The following TTC7B variants were observed in gnomAD, a reference collection of about 807,000 sequenced individuals.
TTC7B encodes tetratricopeptide repeat domain 7B.
In TTC7B, 28 loss-of-function variants were observed where a neutral mutation model predicts 106.8. The observed-to-expected ratio is 0.26, with a 90% CI of 0.19 to 0.36. TTC7B has a LOEUF of 0.36. Among genes scored for constraint, TTC7B ranks in the 10% least tolerant of loss-of-function variants. The probability of loss-of-function intolerance (pLI) is 1.00; values close to 1 mark genes in which losing one functional copy is unlikely to be tolerated. For synonymous variants in TTC7B, 405 were observed against 430.6 expected (o/e 0.94, Z 0.74); for missense variants, 862 against 1,076.4 (o/e 0.80, Z 2.79).
intron 12 of TTC7B, among the ~76,000 whole-genome samples, chr14:90,653,121 G>A (rs2139894484): frequency 6.6e-6 from 1 of 152,340 alleles, no homozygotes; most frequent in East Asian, 1.9e-4. Flanking sequence ...ACAATGCCAA[G>A]GGGACAGTGT....
At chr14:90,688,483 C>G (rs541076766) in intron 7 of TTC7B, among the ~76,000 whole-genome samples, 1 of 152,040 alleles carries the variant, frequency 6.6e-6, no homozygotes, top group East Asian at 1.9e-4. Context: ...ATTAGCCAGG[C>G]ATGGTGGCAC....
chr14:90,804,309 G>A (rs552416362), intron 1 of TTC7B, among the ~76,000 whole-genome samples: 3 of 151,774 alleles, frequency 2.0e-5, no homozygotes, highest in African/African-American at 7.2e-5. Flanking sequence ...TCCAGCCTGG[G>A]TGACACAGCG....
chr14:90,789,071 G>A (rs1397756598), intron 1 of TTC7B, among the ~76,000 whole-genome samples: 1 of 152,092 alleles, frequency 6.6e-6, no homozygotes, highest in Admixed American at 6.5e-5. Context: ...AGAAATATAT[G>A]CAAGCCACAT....
rs1772489356 is a variant in TTC7B at position 90,534,899 on chromosome 14, CAG to C, written c.*6467_*6468del. The C allele has an allele frequency of 6.6e-6, 1 of 152,564 alleles. No homozygotes were observed. Among genetic ancestry groups the C allele is most frequent in the East Asian group, 1.9e-4 (1 of 5,188 alleles). 9.5% of individuals were successfully genotyped at this position (152,564 alleles called of 1,614,324 possible). A position where few individuals can be genotyped will look rare whatever the true frequency, so the allele number is the denominator to read the frequency against. ...CTGCAAAGGGGGGACTTCCTGCAGG[CAG>C]AGAGTCTGGGCCCGCAATGATGACT... On this transcript the variant is annotated 3_prime_UTR_variant, in exon 20 of 20. Transcript: ENST00000328459.
At chr14:90,758,243 T>A (rs540635465) in intron 3 of TTC7B, among the ~76,000 whole-genome samples, 1 of 148,244 alleles carries the variant, frequency 6.7e-6, no homozygotes, top group East Asian at 2.0e-4. Context: ...GGGGCACCAC[T>A]GTCCCGGTGG....
At chr14:90,754,975 A>G (rs1371739459) in intron 3 of TTC7B, among the ~76,000 whole-genome samples, 1 of 152,192 alleles carries the variant, frequency 6.6e-6, no homozygotes, top group African/African-American at 2.4e-5. Flanking sequence ...TAAACTGATC[A>G]CTTCAGTAGC....
intron 11 of TTC7B, among the ~76,000 whole-genome samples, chr14:90,655,762 T>C (rs954288961): frequency 6.6e-5 from 10 of 152,166 alleles, no homozygotes; most frequent in African/African-American, 2.2e-4. Context: ...AGTTGGGTGA[T>C]AAGACACTGG....
rs143808424 is a variant in TTC7B, at chr14:90,689,568, G to A, written c.922C>T (p.Arg308Trp). 815 of 1,613,944 alleles carry A rather than the reference G, an allele frequency of 5.0e-4. No homozygotes were observed. Among genetic ancestry groups the A allele is most frequent in the Non-Finnish European group, 6.6e-4 (773 of 1,179,990 alleles). ...TCTCCTGAGTAGACACGGGCTCTCC[G>A]AGTGAGAGTGTAGGTTTTTGTGTTT... ...GANTKTYTLT[R>W]RARVYSGENI... Residue 308 changes from arginine (R) to tryptophan (W), a missense_variant, in exon 7 of 20, where the codon CGG (arginine) becomes TGG (tryptophan). Arg to Trp is a moderately radical substitution (Grantham distance 101). Coordinates refer to ENST00000328459, the MANE Select transcript of TTC7B (RefSeq NM_001010854.2).
Position 90,657,245 on chromosome 14 carries a change from T to A in TTC7B, c.1270A>T (p.Ile424Phe), listed in dbSNP as rs1162983746. The A allele has an allele frequency of 6.2e-7, 1 of 1,614,050 alleles. No homozygotes were observed. Among genetic ancestry groups the A allele is most frequent in the African/African-American group, 1.3e-5 (1 of 75,060 alleles). ...GTGGCATCGTCTGGCTTCAGGCGGA[T>A]ACACTCTTTCAGCACCTTCACGGCA... ...ARAVKVLKEC[I>F]RLKPDDATIP... The change falls in exon 11 of 20, where the codon ATC (isoleucine) becomes TTC (phenylalanine). Residue 424 changes from isoleucine (I) to phenylalanine (F), a missense_variant. Coordinates refer to ENST00000328459, the MANE Select transcript of TTC7B (RefSeq NM_001010854.2). This position sits in a 1 kb window ranked among gnomAD's most constrained non-coding sequence, Gnocchi z 4.2.
rs951462102 is a variant in TTC7B at position 90,530,984 on chromosome 14, G to A, written c.*10384C>T. 2.0e-5 allele frequency: 3 copies of A among 152,096 alleles called. No individual in the cohort carries two copies. The highest frequency in any genetic ancestry group is 6.6e-5 in the Admixed American group (1 of 15,260). The allele number at this position is 152,096 out of a possible 1,614,324, so 9.4% of individuals were successfully genotyped here. ...AAAAAATTAAAATTCTATAGAATTT[G>A]AAGAACAAAATGTAAATCTGCATAA... On this transcript the variant is annotated 3_prime_UTR_variant, in exon 20 of 20. Transcript: ENST00000328459.
rs1435951205 is a variant in TTC7B, at chr14:90,720,958, T to C, written c.698+9117A>G. On this transcript the variant is annotated intron_variant, in intron 5 of 19. Coordinates refer to ENST00000328459, the MANE Select transcript of TTC7B (RefSeq NM_001010854.2). Reference sequence around the variant, plus strand: ...AATGGATAAACAAACAAGCACGGAATCTATTCCTCCACTCCTGCTCCCATT... The same window carrying C: ...AATGGATAAACAAACAAGCACGGAACCTATTCCTCCACTCCTGCTCCCATT... 2.0e-5 allele frequency among the ~76,000 whole-genome samples: 3 copies of C among 152,094 alleles called. No individual in the cohort carries two copies. In the East Asian group the frequency reaches 5.8e-4, roughly 29 times the overall value.
At chr14:90,792,614 C>T (rs765456430) in intron 1 of TTC7B, among the ~76,000 whole-genome samples, 1 of 151,974 alleles carries the variant, frequency 6.6e-6, no homozygotes, top group South Asian at 2.1e-4. Flanking sequence ...TGGGAGAGCA[C>T]GGTGCAGGAA....
intron 3 of TTC7B, among the ~76,000 whole-genome samples, chr14:90,753,688 G>C (rs959377065): frequency 1.3e-5 from 2 of 152,212 alleles, no homozygotes; most frequent in Non-Finnish European, 2.9e-5. Flanking sequence ...TATGATTTAG[G>C]AAAGTCTCTT....
At chr14:90,574,684 A>G (rs1419108725) in intron 19 of TTC7B, among the ~76,000 whole-genome samples, 2 of 152,178 alleles carry the variant, frequency 1.3e-5, no homozygotes, top group African/African-American at 4.8e-5. Flanking sequence ...CTGATCTGGC[A>G]CCTGCTGCCA....
intron 5 of TTC7B, among the ~76,000 whole-genome samples, chr14:90,728,533 T>C (rs533692897): frequency 6.6e-6 from 1 of 152,218 alleles, no homozygotes; most frequent in African/African-American, 2.4e-5. Context: ...AATGAGTCAG[T>C]AAGCAATCCA....
At chr14:90,762,871 T>C (rs1890546031) in intron 3 of TTC7B, among the ~76,000 whole-genome samples, 1 of 152,194 alleles carries the variant, frequency 6.6e-6, no homozygotes, top group African/African-American at 2.4e-5. Context: ...TTAAAATCTA[T>C]TAAAACAACA....
chr14:90,686,433 C>G lies in TTC7B; in HGVS notation c.950+3107G>C, dbSNP rs2401906. Among the ~76,000 whole-genome samples, 877 of 152,260 alleles carry G rather than the reference C, an allele frequency of 5.8e-3. 7 individuals are homozygous for G. Among genetic ancestry groups the G allele is most frequent in the African/African-American group, 0.02 (834 of 41,552 alleles). On this transcript the variant is annotated intron_variant, in intron 7 of 19. Transcript: ENST00000328459. The stretch of plus-strand genomic sequence containing the variant: ...CAGGAATGAGACAAGGATATCCATG[C>G]TTGCCACTTCTATTTAACATTGTAC...
At chr14:90,582,195 G>A (rs1266109324) in intron 18 of TTC7B, among the ~76,000 whole-genome samples, 2 of 152,258 alleles carry the variant, frequency 1.3e-5, no homozygotes, top group Non-Finnish European at 2.9e-5. Context: ...AGTGGGCAGT[G>A]TGGCTCCCTC....
At chr14:90,772,891 A>G (rs720925) in intron 3 of TTC7B, 48,721 of 152,044 alleles carry the variant, frequency 0.32, 11,115 homozygotes, top group African/African-American at 0.65. Flanking sequence ...AGCCTGGGAG[A>G]CAGAGGTTGC....
Sources: allele counts gnomAD v4.1 joint callset (sites outside exome capture counted in the v4.1 genomes callset), GRCh38; gene constraint gnomAD v4.1.1; non-coding constraint Gnocchi (gnomAD v3.1); transcripts MANE v1.5; gene names NCBI Gene and HGNC (gene_info 2026-07-23, HGNC 2026-07-21).